The following SUGP1 variants were observed in gnomAD, a reference collection of about 807,000 sequenced individuals.
The protein encoded by SUGP1 is SURP and G-patch domain-containing protein 1.
A neutral mutation model predicts 76.5 loss-of-function variants in SUGP1; 34 were observed. That is an observed-to-expected ratio of 0.44 (90% CI 0.34 to 0.59). SUGP1 has a LOEUF of 0.59. SUGP1 is among the 20% of genes least tolerant of loss of function. The pLI is 0.01. For missense variants in SUGP1, 752 were observed against 851.7 expected (o/e 0.88, Z 1.46); for synonymous variants, 326 against 326.2 (o/e 1.00, Z 0.01).
chr19:19,300,478 CAT>C (rs1555789603), intron 7 of SUGP1, among the ~76,000 whole-genome samples: 1 of 152,206 alleles, frequency 6.6e-6, no homozygotes, highest in Admixed American at 6.5e-5. Context: ...GGAGTGGCCA[CAT>C]GAGGCGGCTG....
Position 19,278,740 on chromosome 19 carries a change from G to A in SUGP1, c.1585C>T (p.Leu529=), listed in dbSNP as rs1230096132. The change falls in exon 11 of 14, where the codon CTG becomes TTG. Residue 529 remains leucine (L), a synonymous_variant. Coordinates refer to ENST00000247001, the MANE Select transcript of SUGP1 (RefSeq NM_172231.4). ...AACTTTTCCAGCTCGTCTGGAGGCA[G>A]GAAGTCTCCGATGAAGTGCTTGCCC... ...GRGKHFIGDF[L]PPDELEKFME... The A allele has an allele frequency of 2.5e-6, 4 of 1,614,058 alleles. No homozygotes were observed. Among genetic ancestry groups the A allele is most frequent in the Non-Finnish European group, 3.4e-6 (4 of 1,179,970 alleles).
At chr19:19,293,334 A>C (rs576839589) in intron 8 of SUGP1, among the ~76,000 whole-genome samples, 12 of 152,030 alleles carry the variant, frequency 7.9e-5, no homozygotes, top group Non-Finnish European at 1.3e-4. Context: ...CTGTAATCCC[A>C]GCACTTTGGG....
chr19:19,305,360 C>T (rs936078128), intron 4 of SUGP1, among the ~76,000 whole-genome samples: 1 of 152,170 alleles, frequency 6.6e-6, no homozygotes, highest in Non-Finnish European at 1.5e-5. Context: ...CAAGCTCACC[C>T]GTGACCAGTG....
Position 19,305,857 on chromosome 19 carries a change from T to A in SUGP1, c.530A>T (p.Glu177Val). Reference protein sequence around the residue: ...DEEEDYEQWLEIKVSPPEGAE... With the variant: ...DEEEDYEQWLVIKVSPPEGAE... ...CAGCTCCCACAACTTACCTTTGATC[T>A]CCAGCCACTGCTCATAGTCCTCCTC... Residue 177 changes from glutamate to valine, a missense_variant, in exon 4 of 14, where the codon GAG becomes GTG. Glu to Val is a moderately radical substitution (Grantham distance 121, BLOSUM62 -2). Transcript: ENST00000247001. 1 of 1,604,760 alleles carries A rather than the reference T, an allele frequency of 6.2e-7. No homozygotes were observed. The highest frequency in any genetic ancestry group is 8.5e-7 in the Non-Finnish European group (1 of 1,173,966).
rs773678889 is a variant in SUGP1 at position 19,276,548 on chromosome 19, G to A, written c.*100C>T. 167 of 1,455,116 alleles carry A rather than the reference G, an allele frequency of 1.1e-4. 1 individual carries two copies. The highest frequency in any genetic ancestry group is 1.4e-4 in the Non-Finnish European group (149 of 1,042,624). 90.1% of individuals were successfully genotyped at this position (1,455,116 alleles called of 1,614,324 possible). A position where few individuals can be genotyped will look rare whatever the true frequency, so the allele number is the denominator to read the frequency against. On this transcript the variant is annotated 3_prime_UTR_variant, in exon 14 of 14. Transcript: ENST00000247001. The stretch of plus-strand genomic sequence containing the variant: ...GCACTGGGACTTTATTACACGGCAC[G>A]GCACTCGTGACAACGGAAGGGGTGG...
intron 7 of SUGP1, chr19:19,301,559 A>C (rs892843555): frequency 6.6e-6 from 1 of 152,184 alleles, no homozygotes; most frequent in African/African-American, 2.4e-5. Flanking sequence ...GTGCTGTCAC[A>C]CCTCCTCACT....
At chr19:19,284,992 C>T (rs1264815281) in intron 8 of SUGP1, among the ~76,000 whole-genome samples, 3 of 151,782 alleles carry the variant, frequency 2.0e-5, no homozygotes, top group Non-Finnish European at 4.4e-5. Context: ...CTCAGCCTCC[C>T]GAGTAGCTGG....
chr19:19,276,522 A>G lies in SUGP1; in HGVS notation c.*126T>C. Reference sequence around the variant, plus strand: ...CAGGACCAGGCATCTGTGGTGGATGAGCACTGGGACTTTATTACACGGCAC... The same window carrying G: ...CAGGACCAGGCATCTGTGGTGGATGGGCACTGGGACTTTATTACACGGCAC... On this transcript the variant is annotated 3_prime_UTR_variant, in exon 14 of 14. Coordinates refer to ENST00000247001, the MANE Select transcript of SUGP1 (RefSeq NM_172231.4). 2 of 1,145,040 alleles carry G rather than the reference A, an allele frequency of 1.7e-6. No homozygotes were observed. The highest frequency in any genetic ancestry group is 2.6e-6 in the Non-Finnish European group (2 of 779,174). 70.9% of individuals were successfully genotyped at this position (1,145,040 alleles called of 1,614,324 possible).
intron 8 of SUGP1, among the ~76,000 whole-genome samples, chr19:19,291,128 A>G (rs766045689): frequency 4.1e-4 from 63 of 152,176 alleles, no homozygotes; most frequent in Non-Finnish European, 8.5e-4. Flanking sequence ...AAAACAAACA[A>G]ACAAAAAAAT....
At chr19:19,300,525 T>C (rs910931712) in intron 7 of SUGP1, among the ~76,000 whole-genome samples, 3 of 152,200 alleles carry the variant, frequency 2.0e-5, no homozygotes, top group African/African-American at 4.8e-5. Context: ...CTGCCAACCA[T>C]GTGGGTCTAA....
intron 2 of SUGP1, among the ~76,000 whole-genome samples, chr19:19,311,119 T>C (rs2061350042): frequency 6.6e-6 from 1 of 150,952 alleles, no homozygotes; most frequent in African/African-American, 2.4e-5. Context: ...CTTGAACTCC[T>C]GGCCTCAAGC....
chr19:19,304,701 C>T (rs186229639), intron 4 of SUGP1, among the ~76,000 whole-genome samples: 8 of 152,276 alleles, frequency 5.3e-5, no homozygotes, highest in Admixed American at 2.0e-4. Context: ...GTAGGAGATG[C>T]ACAAGAGAAA....
At chr19:19,303,697 A>AC in intron 5 of SUGP1, 27 bp downstream of exon 5, 1 of 1,613,852 alleles carries the variant, frequency 6.2e-7, no homozygotes, top group Non-Finnish European at 8.5e-7. Context: ...TCAACAGCAC[A>AC]GCCTTCCCTT....
Position 19,276,804 on chromosome 19 carries a change from T to A in SUGP1, c.1912-130A>T. 6 of 1,538,740 alleles carry A rather than the reference T, an allele frequency of 3.9e-6. No homozygotes were observed. In the South Asian group the frequency reaches 7.1e-5, roughly 18 times the overall value. On this transcript the variant is annotated intron_variant, in intron 13 of 13. Transcript: ENST00000247001. Reference sequence around the variant, plus strand: ...TGGCAGGGCAGGCTTGGGGGACGGGTGGGGGCTTGAATGCAGGTGGGTGGT... The same window carrying A: ...TGGCAGGGCAGGCTTGGGGGACGGGAGGGGGCTTGAATGCAGGTGGGTGGT...
intron 12 of SUGP1, 149 bp from the exon 13 acceptor site, chr19:19,277,225 CAAG>C (rs2061057657): frequency 2.6e-6 from 1 of 385,618 alleles, no homozygotes; most frequent in Non-Finnish European, 4.0e-6. Context: ...CCTGAATGGT[CAAG>C]GAGGGGAGAC....
chr19:19,276,717 T>C (rs2061052167), intron 13 of SUGP1, 43 bp from the exon 14 acceptor site: 2 of 1,613,576 alleles, frequency 1.2e-6, no homozygotes, highest in East Asian at 4.5e-5. Context: ...GGATTAGCAC[T>C]AAAGACAGCA....
At chr19:19,291,274 A>T (rs565988751) in intron 8 of SUGP1, among the ~76,000 whole-genome samples, 1 of 152,328 alleles carries the variant, frequency 6.6e-6, no homozygotes, top group East Asian at 1.9e-4. Context: ...TGAGGACTAT[A>T]AATACAATGG....
chr19:19,279,781 C>A (rs1216796560), intron 9 of SUGP1, among the ~76,000 whole-genome samples: 1 of 152,212 alleles, frequency 6.6e-6, no homozygotes, highest in Non-Finnish European at 1.5e-5. Context: ...GCCTCAAGTC[C>A]CTCAGGGTGC....
intron 4 of SUGP1, 180 bp downstream of exon 4, chr19:19,305,669 C>T: frequency 1.7e-6 from 1 of 574,392 alleles, no homozygotes; most frequent in Admixed American, 3.3e-5. Context: ...CCCAGCCCCG[C>T]CCCTCACCCT....
Sources: gnomAD v4.1 joint callset for allele counts (sites outside exome capture counted in the v4.1 genomes callset) on GRCh38, gnomAD v4.1.1 for gene constraint, MANE v1.5 for transcripts, NCBI Gene and HGNC (gene_info 2026-07-23, HGNC 2026-07-21) for gene names.